Variants in PTPRT observed in about 807,000 individuals in gnomAD.
The protein encoded by PTPRT is receptor-type tyrosine-protein phosphatase T.
Under a neutral mutation model 176.8 loss-of-function variants are expected in PTPRT, and 56 were observed. The ratio of observed to expected loss-of-function variants is 0.32; its 90% CI spans 0.26 to 0.40. The LOEUF is 0.40. Among genes scored for constraint, PTPRT ranks in the 10% least tolerant of loss-of-function variants. The probability of loss-of-function intolerance (pLI) is 1.00; values close to 1 mark genes in which losing one functional copy is unlikely to be tolerated. For synonymous variants in PTPRT, 783 were observed against 739.0 expected (o/e 1.06, Z -0.96); for missense variants, 1,540 against 1,908.2 (o/e 0.81, Z 3.60).
At chr20:42,470,875 A>G (rs868689278) in intron 8 of PTPRT, among the ~76,000 whole-genome samples, 1 of 147,972 alleles carries the variant, frequency 6.8e-6, no homozygotes, top group Non-Finnish European at 1.5e-5. Flanking sequence ...GTCTCAAGTT[A>G]TGAGGAAGAT....
intron 2 of PTPRT, among the ~76,000 whole-genome samples, chr20:42,866,219 AC>A (rs1196230340): frequency 6.6e-6 from 1 of 152,186 alleles, no homozygotes; most frequent in Non-Finnish European, 1.5e-5. Flanking sequence ...CTTGCTAAGA[AC>A]CCAGTATTGT....
chr20:42,963,331 C>T (rs1371803165), intron 1 of PTPRT, among the ~76,000 whole-genome samples: 1 of 151,804 alleles, frequency 6.6e-6, no homozygotes, highest in Non-Finnish European at 1.5e-5. Flanking sequence ...AAGCCGAGAT[C>T]GCACCACTGC....
intron 1 of PTPRT, among the ~76,000 whole-genome samples, chr20:42,976,028 C>A (rs962483391): frequency 1.3e-5 from 2 of 151,834 alleles, no homozygotes; most frequent in East Asian, 3.9e-4. Context: ...GCAAGGCCAG[C>A]GTTATCATGC....
chr20:42,059,926 A>G, the PTPRT span, among the ~76,000 whole-genome samples: 1 of 152,154 alleles, frequency 6.6e-6, no homozygotes, highest in Admixed American at 6.5e-5. Context: ...GTTTTCCCAT[A>G]CATAAAATGG....
At chr20:43,179,823 G>A (rs1250587082) in intron 1 of PTPRT, among the ~76,000 whole-genome samples, 1 of 152,236 alleles carries the variant, frequency 6.6e-6, no homozygotes, top group Non-Finnish European at 1.5e-5. Context: ...TCCCACACTT[G>A]TGTGTGACTT....
chr20:43,140,399 A>G (rs2013964317), intron 1 of PTPRT, among the ~76,000 whole-genome samples: 2 of 151,998 alleles, frequency 1.3e-5, no homozygotes, highest in African/African-American at 2.4e-5. Context: ...ATTCCTAGAA[A>G]TAGAACTACT....
At chr20:42,128,713 C>T in intron 19 of PTPRT, 41 bp downstream of exon 19, 5 of 1,515,598 alleles carry the variant, frequency 3.3e-6, no homozygotes, top group Non-Finnish European at 4.5e-6. Context: ...CTTGAGCCTG[C>T]AAAAGCCAGC....
chr20:43,068,986 T>C (rs1377263577), intron 1 of PTPRT, among the ~76,000 whole-genome samples: 1 of 152,196 alleles, frequency 6.6e-6, no homozygotes, highest in African/African-American at 2.4e-5. Context: ...GCAGCTTAGG[T>C]TGCTGGATAA....
intron 7 of PTPRT, among the ~76,000 whole-genome samples, chr20:42,568,423 A>C (rs946240216): frequency 1.3e-5 from 2 of 151,276 alleles, no homozygotes; most frequent in Non-Finnish European, 2.9e-5. Context: ...CAGAGAGAAC[A>C]AGTGATGTGT....
rs1185450257 is a variant in PTPRT at position 42,616,972 on chromosome 20, T to A, written c.1153+60894A>T. 1.5e-5 allele frequency among the ~76,000 whole-genome samples: 2 copies of A among 133,384 alleles called. 1 individual carries two copies. The highest frequency in any genetic ancestry group is 3.1e-5 in the Non-Finnish European group (2 of 64,408). The allele number at this position is 133,384 out of a possible 152,430, so 87.5% of individuals were successfully genotyped here. ...TTGCCCTGGCCAGAACTTCCAACAC[T>A]ATGTTGAATAGGAGTGGTGAGAGAG... is the stretch of plus-strand genomic sequence containing the variant. On this transcript the variant is annotated intron_variant, in intron 7 of 30. Coordinates refer to ENST00000373187, the MANE Select transcript of PTPRT (RefSeq NM_007050.6).
chr20:42,365,461 G>C (rs2058500872), intron 9 of PTPRT, among the ~76,000 whole-genome samples: 1 of 151,952 alleles, frequency 6.6e-6, no homozygotes, highest in African/African-American at 2.4e-5. Flanking sequence ...GTATGAAAAG[G>C]GATTTTTCCC....
chr20:42,104,901 G>A (rs895698776), intron 24 of PTPRT, among the ~76,000 whole-genome samples, 183 bp from the exon 25 acceptor site: 4 of 152,150 alleles, frequency 2.6e-5, no homozygotes, highest in African/African-American at 7.2e-5. Context: ...GATCACCTGA[G>A]CTATGGTGGG....
At chr20:42,128,168 C>T (rs1326892733) in intron 19 of PTPRT, among the ~76,000 whole-genome samples, 1 of 152,208 alleles carries the variant, frequency 6.6e-6, no homozygotes. Context: ...CCCCTCTCCC[C>T]TCTCTTTGAT....
At chr20:42,814,191 C>A (rs765947236) in intron 2 of PTPRT, among the ~76,000 whole-genome samples, 50 of 152,244 alleles carry the variant, frequency 3.3e-4, no homozygotes, top group Non-Finnish European at 6.0e-4. Flanking sequence ...TCCATACTTA[C>A]CAGTGTTTAA....
intron 13 of PTPRT, among the ~76,000 whole-genome samples, chr20:42,256,899 A>G (rs1299561027): frequency 1.3e-5 from 2 of 152,180 alleles, no homozygotes; most frequent in African/African-American, 4.8e-5. Flanking sequence ...TGGAGACCTG[A>G]AGCCATGGAG....
chr20:42,490,557 T>C (rs1273389455), intron 7 of PTPRT, among the ~76,000 whole-genome samples: 1 of 152,208 alleles, frequency 6.6e-6, no homozygotes, highest in Non-Finnish European at 1.5e-5. Context: ...GTTAATCTTA[T>C]ATCTGGCAAC....
At chr20:42,278,918 T>A (rs888458916) in intron 13 of PTPRT, among the ~76,000 whole-genome samples, 2 of 152,196 alleles carry the variant, frequency 1.3e-5, no homozygotes, top group Non-Finnish European at 2.9e-5. Flanking sequence ...TTCAACCTGC[T>A]ACCTATGTTG....
intron 15 of PTPRT, among the ~76,000 whole-genome samples, chr20:42,230,329 C>A (rs1180295073): frequency 2.6e-5 from 4 of 152,136 alleles, no homozygotes; most frequent in African/African-American, 9.7e-5. Flanking sequence ...TCTCTCTCAG[C>A]CAGAACAATT....
At chr20:42,629,374 T>C (rs1379227627) in intron 7 of PTPRT, among the ~76,000 whole-genome samples, 1 of 152,176 alleles carries the variant, frequency 6.6e-6, no homozygotes, top group Non-Finnish European at 1.5e-5. Context: ...TGTGACATTC[T>C]AAGCAGAGAT....
Sources: gnomAD v4.1 joint callset for allele counts (sites outside exome capture counted in the v4.1 genomes callset) on GRCh38, gnomAD v4.1.1 for gene constraint, MANE v1.5 for transcripts, NCBI Gene and HGNC (gene_info 2026-07-23, HGNC 2026-07-21) for gene names.